The following IRAK3 variants were observed in gnomAD, a reference collection of about 807,000 sequenced individuals.
IRAK3 encodes interleukin-1 receptor-associated kinase 3.
In IRAK3, 57 loss-of-function variants were observed where a neutral mutation model predicts 56.6. The observed-to-expected ratio is 1.01, with a 90% confidence interval of 0.81 to 1.26. The LOEUF (loss-of-function observed/expected upper bound fraction) is 1.26, where lower values mean the gene tolerates loss of function less well. Ranked by LOEUF, IRAK3 falls within the 50% of genes most tolerant of loss-of-function variation. The pLI, the probability that IRAK3 is intolerant of heterozygous loss-of-function variation, is 0.00. For synonymous variants in IRAK3, 258 were observed against 255.7 expected (o/e 1.01, Z -0.09); for missense variants, 703 against 719.0 (o/e 0.98, Z 0.25).
At chr12:66,192,511 A>G (rs2052408780) in intron 1 of IRAK3, among the ~76,000 whole-genome samples, 1 of 152,226 alleles carries the variant, frequency 6.6e-6, no homozygotes, top group South Asian at 2.1e-4. Context: ...GGAGCAGCTG[A>G]CACCGTAAAA....
At chr12:66,192,455 T>C (rs2052408259) in intron 1 of IRAK3, among the ~76,000 whole-genome samples, 5 of 152,156 alleles carry the variant, frequency 3.3e-5, no homozygotes, top group Admixed American at 2.6e-4. Context: ...TGGAGACAAC[T>C]CATCTGATTA....
intron 8 of IRAK3, chr12:66,234,834 T>C (rs2052885766): frequency 5.0e-6 from 8 of 1,606,690 alleles, no homozygotes; most frequent in South Asian, 4.4e-5. Context: ...AGTTCTTGCT[T>C]ATCCATGGAG....
In IRAK3 at chr12:66,248,848, C is replaced by T. The variant is rs938813497; in HGVS notation, c.*677C>T. The T allele has an allele frequency of 6.6e-6, 1 of 152,106 alleles. No individual in the cohort carries two copies. The highest frequency in any genetic ancestry group is 1.9e-4 in the East Asian group (1 of 5,180). 9.4% of individuals were successfully genotyped at this position (152,106 alleles called of 1,614,324 possible). A position where few individuals can be genotyped will look rare whatever the true frequency, so the allele number is the denominator to read the frequency against. On this transcript the variant is annotated 3_prime_UTR_variant, in exon 12 of 12. Transcript: ENST00000261233. ...GCTTTTTAAAAACAGACTTAGTGAC[C>T]TATTATATCTTAAGGAGACTATGTG...
chr12:66,222,278 A>G (rs965692923), intron 6 of IRAK3, among the ~76,000 whole-genome samples: 1 of 152,048 alleles, frequency 6.6e-6, no homozygotes, highest in Non-Finnish European at 1.5e-5. Flanking sequence ...GCTTGTTAGA[A>G]TTTACCCAGA....
chr12:66,197,142 C>T lies in IRAK3; in HGVS notation c.134-6569C>T, dbSNP rs151218037. 8.9e-5 allele frequency: 113 copies of T among 1,267,070 alleles called. No homozygotes were observed. In the East Asian group the frequency reaches 1.7e-3, roughly 19 times the overall value. The allele number at this position is 1,267,070 out of a possible 1,614,324, so 78.5% of individuals were successfully genotyped here. On this transcript the variant is annotated intron_variant, in intron 1 of 11. Coordinates refer to ENST00000261233, the MANE Select transcript of IRAK3 (RefSeq NM_007199.3). ...CTTTTTGGCTTATGTGACTCCAATA[C>T]GACTTTCAACAAAGATTTGTGTTCC...
At chr12:66,207,867 C>T (rs530860143) in intron 2 of IRAK3, among the ~76,000 whole-genome samples, 78 of 152,164 alleles carry the variant, frequency 5.1e-4, no homozygotes, top group African/African-American at 1.8e-3. Context: ...GCTTGTATTT[C>T]AATATGATCA....
At chr12:66,220,321 A>G (rs186223468) in intron 6 of IRAK3, among the ~76,000 whole-genome samples, 27 of 151,132 alleles carry the variant, frequency 1.8e-4, no homozygotes, top group South Asian at 2.1e-4. Flanking sequence ...CTTCTGTTGT[A>G]TATTCTTGGT....
intron 1 of IRAK3, among the ~76,000 whole-genome samples, chr12:66,192,143 G>GT (rs1214873496): frequency 1.3e-5 from 2 of 152,204 alleles, no homozygotes; most frequent in Non-Finnish European, 2.9e-5. Context: ...GGCACAACCT[G>GT]ATTGGTAAGC....
Position 66,252,260 on chromosome 12 carries a change from C to T in IRAK3, c.*4089C>T, listed in dbSNP as rs545332682. The T allele has an allele frequency of 9.8e-5, 15 of 152,332 alleles. No individual in the cohort carries two copies. Among genetic ancestry groups the T allele is most frequent in the Admixed American group, 4.6e-4 (7 of 15,300 alleles). The allele number at this position is 152,332 out of a possible 1,614,324, so 9.4% of individuals were successfully genotyped here. ...CTTGCTAAAATCAAGTCCTCCCAGT[C>T]CTCCCATCAGGTCCTTCCAGATCTG... On this transcript the variant is annotated 3_prime_UTR_variant, in exon 12 of 12. Coordinates refer to ENST00000261233, the MANE Select transcript of IRAK3 (RefSeq NM_007199.3).
At chr12:66,244,821 C>A in intron 9 of IRAK3, 127 bp from the exon 10 acceptor site, 1 of 1,056,556 alleles carries the variant, frequency 9.5e-7, no homozygotes, top group Non-Finnish European at 1.4e-6. Flanking sequence ...TTTGTGTAAT[C>A]AAGCAATTAA....
intron 8 of IRAK3, chr12:66,235,057 C>A: frequency 6.2e-7 from 1 of 1,613,336 alleles, no homozygotes; most frequent in South Asian, 1.1e-5. Flanking sequence ...GACAGAGCTT[C>A]ACCAGGTCCT....
At chr12:66,215,635 G>T (rs1364693410) in intron 5 of IRAK3, among the ~76,000 whole-genome samples, 1 of 152,140 alleles carries the variant, frequency 6.6e-6, no homozygotes, top group African/African-American at 2.4e-5. Flanking sequence ...GTTGCTAGTT[G>T]TTACGAGTAA....
At position 66,250,727 on chromosome 12, in the gene IRAK3, G is replaced by A. The variant is rs1260697626; in HGVS notation, c.*2556G>A. On this transcript the variant is annotated 3_prime_UTR_variant, in exon 12 of 12. Coordinates refer to ENST00000261233, the MANE Select transcript of IRAK3 (RefSeq NM_007199.3). ...GTTACTCCGCACATATAATCTGTGG[G>A]TATTATGTTGATTTGAACTTGCTTA... 1 of 152,234 alleles carries A rather than the reference G, an allele frequency of 6.6e-6. No homozygotes were observed. Among genetic ancestry groups the A allele is most frequent in the Non-Finnish European group, 1.5e-5 (1 of 68,052 alleles). The allele number at this position is 152,234 out of a possible 1,614,324, so 9.4% of individuals were successfully genotyped here.
chr12:66,201,007 G>C (rs533778260), intron 1 of IRAK3, among the ~76,000 whole-genome samples: 1 of 152,170 alleles, frequency 6.6e-6, no homozygotes, highest in South Asian at 2.1e-4. Flanking sequence ...AGTCAAGATG[G>C]GGTTTCACCA....
chr12:66,195,801 G>A (rs1170116244), intron 1 of IRAK3, among the ~76,000 whole-genome samples: 1 of 152,086 alleles, frequency 6.6e-6, no homozygotes, highest in South Asian at 2.1e-4. Flanking sequence ...GATTACAGGC[G>A]CCTACCACAA....
Position 66,247,804 on chromosome 12 carries a change from C to T in IRAK3, c.1424C>T (p.Pro475Leu), listed in dbSNP as rs745862579. 1 of 1,613,822 alleles carries T rather than the reference C, an allele frequency of 6.2e-7. No homozygotes were observed. The highest frequency in any genetic ancestry group is 2.2e-5 in the East Asian group (1 of 44,878). Residue 475 changes from proline (P) to leucine (L), a missense_variant, in exon 12 of 12, where the codon CCA becomes CTA. By Grantham distance (98) the Pro-to-Leu change is moderately conservative (BLOSUM62 -3). Coordinates refer to ENST00000261233, the MANE Select transcript of IRAK3 (RefSeq NM_007199.3). ...TCTCCTCTATTCCTGGAGAATGTAC[C>T]AAGTATTCCAGTGGAAGATGATGAA... ...CPSPLFLENV[P>L]SIPVEDDESQ... is the part of the protein sequence containing the mutation.
intron 8 of IRAK3, among the ~76,000 whole-genome samples, chr12:66,230,363 G>A (rs2052831478): frequency 6.6e-6 from 1 of 152,194 alleles, no homozygotes. Context: ...GAAAAAGGCA[G>A]GATTGGGCAG....
intron 8 of IRAK3, among the ~76,000 whole-genome samples, chr12:66,239,132 G>A (rs1727490177): frequency 6.6e-6 from 1 of 152,076 alleles, no homozygotes. Flanking sequence ...TCCTGCTAAT[G>A]TTTCCAAAGC....
chr12:66,207,709 A>G (rs2052570670), intron 2 of IRAK3, among the ~76,000 whole-genome samples: 1 of 151,692 alleles, frequency 6.6e-6, no homozygotes, highest in Admixed American at 6.6e-5. Context: ...ATAACTTTTG[A>G]TATGTTGTGT....
Sources: gnomAD v4.1 joint callset for allele counts (sites outside exome capture counted in the v4.1 genomes callset) on GRCh38, gnomAD v4.1.1 for gene constraint, MANE v1.5 for transcripts, NCBI Gene and HGNC (gene_info 2026-07-23, HGNC 2026-07-21) for gene names.